RYR2: variants seen among roughly 807,000 people sequenced by gnomAD.
RYR2 encodes ryanodine receptor 2, also known as cardiac muscle ryanodine receptor-calcium release channel.
A neutral mutation model predicts 601.1 loss-of-function variants in RYR2; 227 were observed. The ratio of observed to expected loss-of-function variants is 0.38; its 90% CI spans 0.34 to 0.42. The LOEUF is 0.42. RYR2 is among the 10% of genes least tolerant of loss of function. The pLI, the probability that RYR2 is intolerant of heterozygous loss-of-function variation, is 1.00. For synonymous variants in RYR2, 2,223 were observed against 2,175.1 expected (o/e 1.02, Z -0.61); for missense variants, 4,646 against 6,156.5 (o/e 0.75, Z 8.21).
rs1373884930 is a variant in RYR2 at position 237,141,947 on chromosome 1, A to T, written c.48+99378A>T. ...ACACTACAGAAGTCATGTAACTTTC[A>T]GTTAACAACTGTGCCAGGATTTTCA... On this transcript the variant is annotated intron_variant, in intron 1 of 104. Transcript: ENST00000366574. Among the ~76,000 whole-genome samples the T allele has an allele frequency of 4.6e-5, 7 of 152,338 alleles. No homozygotes were observed. The East Asian group carries it at 1.2e-3, about 25-fold the overall frequency.
intron 1 of RYR2, among the ~76,000 whole-genome samples, chr1:237,188,425 C>T (rs556546460): frequency 6.6e-6 from 1 of 152,270 alleles, no homozygotes; most frequent in South Asian, 2.1e-4. Flanking sequence ...GATGTGACTG[C>T]ACCAAACCTT....
chr1:237,171,085 T>A (rs957503522), intron 1 of RYR2, among the ~76,000 whole-genome samples: 6 of 151,842 alleles, frequency 4.0e-5, no homozygotes, highest in African/African-American at 1.4e-4. Context: ...GTACAAAAAA[T>A]TAGTTGGGTG....
intron 35 of RYR2, among the ~76,000 whole-genome samples, chr1:237,602,341 T>C (rs1676595324): frequency 6.6e-6 from 1 of 151,028 alleles, no homozygotes; most frequent in South Asian, 2.1e-4. Flanking sequence ...AAAAGGCCTA[T>C]AGAAAAAAAA....
intron 24 of RYR2, among the ~76,000 whole-genome samples, chr1:237,519,064 T>C (rs890480658): frequency 1.3e-5 from 2 of 152,232 alleles, no homozygotes; most frequent in Non-Finnish European, 2.9e-5. Context: ...GCCATTTGTA[T>C]GTCTTATTTT....
intron 17 of RYR2, among the ~76,000 whole-genome samples, chr1:237,487,306 T>C (rs1307944993): frequency 6.6e-5 from 10 of 152,204 alleles, no homozygotes; most frequent in East Asian, 1.9e-4. Flanking sequence ...TAATATTGTA[T>C]ACCTATTCCT....
At position 237,678,124 on chromosome 1, in the gene RYR2, A is replaced by G. The variant is rs1163901432; in HGVS notation, c.8895+12A>G. 1.3e-6 allele frequency: 2 copies of G among 1,511,960 alleles called. No individual in the cohort carries two copies. Among genetic ancestry groups the G allele is most frequent in the Admixed American group, 3.4e-5 (2 of 58,012 alleles). 93.7% of individuals were successfully genotyped at this position (1,511,960 alleles called of 1,614,324 possible). ...AGTTCTTTGCAAAAGTACAGTATAC[A>G]ATCTATCTTGTTTTTGCTTCAATAT... is the stretch of plus-strand genomic sequence containing the variant. On this transcript the variant is annotated intron_variant, in intron 61 of 104. Coordinates refer to ENST00000366574, the MANE Select transcript of RYR2 (RefSeq NM_001035.3).
intron 101 of RYR2, among the ~76,000 whole-genome samples, chr1:237,823,142 G>C (rs1242188751): frequency 6.6e-6 from 1 of 152,090 alleles, no homozygotes; most frequent in Non-Finnish European, 1.5e-5. Context: ...AATTAACAAG[G>C]ATATCCAGGA....
intron 22 of RYR2, among the ~76,000 whole-genome samples, chr1:237,505,905 C>T (rs1665173509): frequency 6.6e-6 from 1 of 152,086 alleles, no homozygotes; most frequent in African/African-American, 2.4e-5. Flanking sequence ...TGTTTCTTTT[C>T]TGTGAAGCTT....
intron 80 of RYR2, among the ~76,000 whole-genome samples, chr1:237,747,252 C>T (rs1401538424): frequency 6.6e-6 from 1 of 152,170 alleles, no homozygotes; most frequent in Admixed American, 6.5e-5. Flanking sequence ...TGCCCAGTTT[C>T]TAATTGACAG....
intron 38 of RYR2, among the ~76,000 whole-genome samples, chr1:237,621,179 G>A (rs1032811318): frequency 2.0e-5 from 3 of 152,146 alleles, no homozygotes; most frequent in African/African-American, 7.2e-5. Flanking sequence ...GTTTGAGGAA[G>A]TATGGGGAGA....
intron 59 of RYR2, 67 bp from the exon 60 acceptor site, chr1:237,674,664 C>A: frequency 1.3e-6 from 1 of 784,874 alleles, no homozygotes; most frequent in Non-Finnish European, 2.2e-6. Context: ...TATATACACA[C>A]ACACAATTTT....
chr1:237,723,096 T>G, intron 73 of RYR2, 32 bp from the exon 74 acceptor site: 1 of 1,584,392 alleles, frequency 6.3e-7, no homozygotes, highest in Non-Finnish European at 8.6e-7. Context: ...GATTCCCATC[T>G]TCCCATTGTA....
intron 71 of RYR2, among the ~76,000 whole-genome samples, chr1:237,715,139 A>C (rs1689169433): frequency 6.6e-6 from 1 of 152,290 alleles, no homozygotes; most frequent in Admixed American, 6.5e-5. Context: ...GCACAGATTG[A>C]AAATGAAAAA....
intron 35 of RYR2, among the ~76,000 whole-genome samples, chr1:237,608,346 G>A (rs1254795444): frequency 6.6e-6 from 1 of 152,108 alleles, no homozygotes; most frequent in Non-Finnish European, 1.5e-5. Context: ...CGGAGTAAAG[G>A]AATTCCTGGC....
chr1:237,143,126 A>T (rs1400297104), intron 1 of RYR2, among the ~76,000 whole-genome samples: 1 of 152,210 alleles, frequency 6.6e-6, no homozygotes, highest in Non-Finnish European at 1.5e-5. Flanking sequence ...GCACAAAAGT[A>T]CCTGCATTTC....
intron 1 of RYR2, among the ~76,000 whole-genome samples, chr1:237,234,909 T>C (rs72764081): frequency 0.031 from 4,666 of 152,186 alleles, 110 homozygotes; most frequent in South Asian, 0.049. Context: ...CCCAAGAATC[T>C]AGTTAATTTT....
intron 73 of RYR2, among the ~76,000 whole-genome samples, chr1:237,722,055 T>C (rs928395477): frequency 3.3e-5 from 5 of 152,226 alleles, no homozygotes; most frequent in African/African-American, 1.2e-4. Flanking sequence ...TTTATATAAT[T>C]TAATATCTTT....
At position 237,330,923 on chromosome 1, in the gene RYR2, T is replaced by G; in HGVS notation, c.214T>G (p.Ser72Ala). Residue 72 changes from serine to alanine, a missense_variant, in exon 3 of 105, where the codon TCC (serine) becomes GCC (alanine). Coordinates refer to ENST00000366574, the MANE Select transcript of RYR2 (RefSeq NM_001035.3). ...CATCTGCACCTTTGTGCTGGAGCAG[T>G]CCCTCTCTGTCCGGGCGCTGCAGGA... ...LSICTFVLEQ[S>A]LSVRALQEML... is the part of the protein sequence containing the mutation. 1 of 1,613,982 alleles carries G rather than the reference T, an allele frequency of 6.2e-7. No homozygotes were observed. Among genetic ancestry groups the G allele is most frequent in the Non-Finnish European group, 8.5e-7 (1 of 1,179,884 alleles).
rs964283601 is a variant in RYR2 at position 237,556,402 on chromosome 1, T to C, written c.3214+5711T>C. Among the ~76,000 whole-genome samples the C allele has an allele frequency of 4.6e-4, 70 of 151,168 alleles. 1 individual carries two copies. Among genetic ancestry groups the C allele is most frequent in the Non-Finnish European group, 5.0e-4 (34 of 67,838 alleles). On this transcript the variant is annotated intron_variant, in intron 27 of 104. Coordinates refer to ENST00000366574, the MANE Select transcript of RYR2 (RefSeq NM_001035.3). ...GCAACCTCTGCCTCCCTGGTTCAGGTGATTTTCCCTGCCTCAGCCTCCCGA... is the reference window on the plus strand; with the variant it reads ...GCAACCTCTGCCTCCCTGGTTCAGGCGATTTTCCCTGCCTCAGCCTCCCGA...
Sources: allele counts gnomAD v4.1 joint callset (sites outside exome capture counted in the v4.1 genomes callset), GRCh38; gene constraint gnomAD v4.1.1; transcripts MANE v1.5; gene names NCBI Gene and HGNC (gene_info 2026-07-23, HGNC 2026-07-21).